The following BTBD10 variants were observed in gnomAD, a reference collection of about 807,000 sequenced individuals.
BTBD10 encodes BTB/POZ domain-containing protein 10.
Under a neutral mutation model 53.2 loss-of-function variants are expected in BTBD10, and 21 were observed. That is an observed-to-expected ratio of 0.39 (90% CI 0.28 to 0.57). The LOEUF (loss-of-function observed/expected upper bound fraction) is 0.57, where lower values mean the gene tolerates loss of function less well. Among genes scored for constraint, BTBD10 ranks in the 20% least tolerant of loss-of-function variants. The pLI is 0.53. For missense variants in BTBD10, 360 were observed against 594.7 expected, an observed-to-expected ratio of 0.61 and a Z score of 4.10; for synonymous variants, 149 against 192.7, an observed-to-expected ratio of 0.77 and a Z score of 1.88.
At chr11:13,406,497 C>T (rs1591106428) in intron 6 of BTBD10, among the ~76,000 whole-genome samples, 2 of 152,154 alleles carry the variant, frequency 1.3e-5, no homozygotes, top group South Asian at 2.1e-4. Flanking sequence ...TCAAGAACTA[C>T]TGCTACTGCA....
intron 1 of BTBD10, among the ~76,000 whole-genome samples, chr11:13,455,940 C>T (rs914988850): frequency 6.6e-6 from 1 of 152,130 alleles, no homozygotes; most frequent in Non-Finnish European, 1.5e-5. Context: ...AGTAAAGGCT[C>T]TATTAAATAT....
Position 13,434,647 on chromosome 11 carries a change from C to T in BTBD10, c.101+10377G>A, listed in dbSNP as rs899854357. On this transcript the variant is annotated intron_variant, in intron 2 of 8. Coordinates refer to ENST00000278174, the MANE Select transcript of BTBD10 (RefSeq NM_032320.7). ...TAGCACTGAAGTGTGAATTAAATGA[C>T]GTAATTTACATTTTAACAGGATCAC... Among the ~76,000 whole-genome samples, 8 of 152,128 alleles carry T rather than the reference C, an allele frequency of 5.3e-5. No homozygotes were observed. The South Asian group carries it at 8.3e-4, about 16-fold the overall frequency.
intron 5 of BTBD10, among the ~76,000 whole-genome samples, chr11:13,414,825 G>T (rs551523462): frequency 3.3e-4 from 45 of 136,310 alleles, no homozygotes; most frequent in Middle Eastern, 4.1e-3. Flanking sequence ...GGGCGACGGA[G>T]CGAGCCTCCA....
At chr11:13,401,684 TAAGA>T (rs1393273559) in intron 8 of BTBD10, among the ~76,000 whole-genome samples, 1 of 152,174 alleles carries the variant, frequency 6.6e-6, no homozygotes, top group Non-Finnish European at 1.5e-5. Context: ...AACTATCCTC[TAAGA>T]TATACAGAGT....
At chr11:13,404,506 G>A (rs1019401644) in intron 7 of BTBD10, 2 of 627,348 alleles carry the variant, frequency 3.2e-6, no homozygotes, top group East Asian at 1.4e-4. Context: ...AAAGTAAAAT[G>A]TAAGTTATAA....
chr11:13,435,177 A>ATTTTTTTTTTTTTTTTT (rs1565260389), intron 2 of BTBD10, among the ~76,000 whole-genome samples: 1 of 152,110 alleles, frequency 6.6e-6, no homozygotes, highest in African/African-American at 2.4e-5. Context: ...TAGCATGAAA[A>ATTTTTTTTTTTTTTTTT]ATTTTTTAAA....
chr11:13,439,820 C>T, intron 2 of BTBD10: 1 of 1,323,010 alleles, frequency 7.6e-7, no homozygotes, highest in Non-Finnish European at 1.0e-6. Context: ...CTCAATCTTT[C>T]TTTCAAATTC....
At chr11:13,398,562 T>C (rs1949623067) in intron 8 of BTBD10, among the ~76,000 whole-genome samples, 1 of 152,218 alleles carries the variant, frequency 6.6e-6, no homozygotes, top group African/African-American at 2.4e-5. Context: ...AATATTGTTA[T>C]GTGTGAATTT....
intron 8 of BTBD10, among the ~76,000 whole-genome samples, chr11:13,395,632 G>C (rs1016544212): frequency 2.5e-4 from 38 of 152,238 alleles, no homozygotes; most frequent in African/African-American, 8.9e-4. Flanking sequence ...GTCCTGATTG[G>C]TATTGCCTAG....
intron 8 of BTBD10, among the ~76,000 whole-genome samples, chr11:13,394,437 A>G (rs921997427): frequency 6.6e-6 from 1 of 152,182 alleles, no homozygotes; most frequent in Non-Finnish European, 1.5e-5. Context: ...CATGATTGTA[A>G]GTTTCCTGAG....
intron 8 of BTBD10, among the ~76,000 whole-genome samples, chr11:13,393,705 T>C (rs931187917): frequency 6.6e-6 from 1 of 152,308 alleles, no homozygotes; most frequent in African/African-American, 2.4e-5. Flanking sequence ...CCCAATATCA[T>C]AGATTGTAGT....
At chr11:13,451,128 T>A (rs1056934444) in intron 1 of BTBD10, among the ~76,000 whole-genome samples, 1 of 152,166 alleles carries the variant, frequency 6.6e-6, no homozygotes, top group Non-Finnish European at 1.5e-5. Context: ...GCATAAACTC[T>A]GCTCAAATCC....
chr11:13,446,491 T>G (rs981645221), intron 1 of BTBD10, among the ~76,000 whole-genome samples: 1 of 152,164 alleles, frequency 6.6e-6, no homozygotes, highest in African/African-American at 2.4e-5. Context: ...GCTGAAAATT[T>G]TATAATAAAT....
intron 8 of BTBD10, among the ~76,000 whole-genome samples, chr11:13,400,162 A>G (rs1471184315): frequency 7.9e-5 from 12 of 152,256 alleles, no homozygotes; most frequent in Admixed American, 7.8e-4. Context: ...CTACAGAGGC[A>G]GGCAGGCCTC....
chr11:13,459,058 ATT>A (rs199960942), intron 1 of BTBD10, among the ~76,000 whole-genome samples: 9 of 135,334 alleles, frequency 6.7e-5, no homozygotes, highest in Admixed American at 7.8e-5. Flanking sequence ...TTATTTATTT[ATT>A]TTTTTTTTTT....
intron 8 of BTBD10, among the ~76,000 whole-genome samples, chr11:13,394,670 A>G (rs924210548): frequency 2.0e-5 from 3 of 151,632 alleles, no homozygotes; most frequent in South Asian, 4.2e-4. Context: ...AGCATTAGCT[A>G]TATCTCCTAA....
rs72242186 is a variant in BTBD10 at position 13,406,560 on chromosome 11, TGAGAGAGAGA to T, written c.809-714_809-705del. ...CAACCATGGCAACCATACGCATGAG[TGAGAGAGAGA>T]GAGAGAGAGAGAGAGAGAAACAGAG... is the stretch of plus-strand genomic sequence containing the variant. On this transcript the variant is annotated intron_variant, in intron 6 of 8. Transcript: ENST00000278174. Among the ~76,000 whole-genome samples the T allele has an allele frequency of 3.3e-3, 461 of 141,456 alleles. 4 individuals are homozygous for T. The highest frequency in any genetic ancestry group is 0.011 in the African/African-American group (429 of 38,134). The allele number at this position is 141,456 out of a possible 152,430, so 92.8% of individuals were successfully genotyped here. A position where few individuals can be genotyped will look rare whatever the true frequency, so the allele number is the denominator to read the frequency against.
chr11:13,435,577 C>T (rs1409033611), intron 2 of BTBD10, among the ~76,000 whole-genome samples: 4 of 152,152 alleles, frequency 2.6e-5, no homozygotes, highest in African/African-American at 7.2e-5. Flanking sequence ...ACTGCAACCT[C>T]CACCTCCCAG....
At chr11:13,405,546 A>T in intron 7 of BTBD10, 113 bp downstream of exon 7, 1 of 1,120,360 alleles carries the variant, frequency 8.9e-7, no homozygotes, top group Non-Finnish European at 1.3e-6. Context: ...TTATAAAAAT[A>T]GGTGATGGGC....
Sources: allele counts gnomAD v4.1 joint callset (sites outside exome capture counted in the v4.1 genomes callset), GRCh38; gene constraint gnomAD v4.1.1; transcripts MANE v1.5; gene names NCBI Gene and HGNC (gene_info 2026-07-23, HGNC 2026-07-21).